NCOA2: variants seen among roughly 807,000 people sequenced by gnomAD.
The protein encoded by NCOA2 is nuclear receptor coactivator 2, also known as class E basic helix-loop-helix protein 75.
Under a neutral mutation model 145.1 loss-of-function variants are expected in NCOA2, and 21 were observed. That is an observed-to-expected ratio of 0.14 (90% CI 0.10 to 0.21). The LOEUF is 0.21. Among genes scored for constraint, NCOA2 ranks in the 10% least tolerant of loss-of-function variants. The pLI, the probability that NCOA2 is intolerant of heterozygous loss-of-function variation, is 1.00. For synonymous variants in NCOA2, 619 were observed against 637.5 expected (o/e 0.97, Z 0.44); for missense variants, 1,472 against 1,837.6 (o/e 0.80, Z 3.64).
chr8:70,336,475 C>G (rs1024636876), intron 1 of NCOA2, among the ~76,000 whole-genome samples: 1 of 152,048 alleles, frequency 6.6e-6, no homozygotes. Context: ...AAAGAAGTAT[C>G]TTAATTTATA....
At chr8:70,297,911 AT>A (rs2135771967) in intron 1 of NCOA2, among the ~76,000 whole-genome samples, 1 of 152,340 alleles carries the variant, frequency 6.6e-6, no homozygotes, top group Non-Finnish European at 1.5e-5. Flanking sequence ...CATTTTATGT[AT>A]ATTAATATTT....
chr8:70,316,879 G>A (rs763963050), intron 1 of NCOA2, among the ~76,000 whole-genome samples: 2 of 152,088 alleles, frequency 1.3e-5, no homozygotes, highest in African/African-American at 2.4e-5. Context: ...TGCTGATGAC[G>A]CCCGAGACCC....
At chr8:70,145,613 G>GTCTGGCT in intron 12 of NCOA2, among the ~76,000 whole-genome samples, 1 of 148,564 alleles carries the variant, frequency 6.7e-6, no homozygotes, top group Admixed American at 6.6e-5. Context: ...GAGCCACTGT[G>GTCTGGCT]CCCAGCCCTT....
At chr8:70,374,828 C>A (rs1293730407) in intron 1 of NCOA2, among the ~76,000 whole-genome samples, 2 of 150,428 alleles carry the variant, frequency 1.3e-5, no homozygotes, top group African/African-American at 4.9e-5. Flanking sequence ...AAAGTGAAAG[C>A]ATATATGCCG....
intron 4 of NCOA2, among the ~76,000 whole-genome samples, chr8:70,186,109 C>A (rs920533100): frequency 6.6e-6 from 1 of 152,016 alleles, no homozygotes; most frequent in Admixed American, 6.6e-5. Flanking sequence ...CAGAGAAACC[C>A]ATCTTGGGGA....
intron 2 of NCOA2, among the ~76,000 whole-genome samples, chr8:70,293,718 TA>T (rs2135706509): frequency 6.6e-6 from 1 of 152,348 alleles, no homozygotes; most frequent in Non-Finnish European, 1.5e-5. Flanking sequence ...TATTGCCAAA[TA>T]GATTTATATA....
intron 1 of NCOA2, among the ~76,000 whole-genome samples, chr8:70,325,036 T>C (rs1020295367): frequency 6.6e-6 from 1 of 152,232 alleles, no homozygotes; most frequent in African/African-American, 2.4e-5. Context: ...TATCCATATC[T>C]TTAAACATAA....
At chr8:70,423,896 G>A in the NCOA2 span, among the ~76,000 whole-genome samples, 1 of 152,296 alleles carries the variant, frequency 6.6e-6, no homozygotes, top group Admixed American at 6.5e-5. Flanking sequence ...CGCCAATCCA[G>A]TCTTCCCTCA....
chr8:70,286,438 T>G (rs1210686574), intron 2 of NCOA2, among the ~76,000 whole-genome samples: 1 of 152,176 alleles, frequency 6.6e-6, no homozygotes, highest in Non-Finnish European at 1.5e-5. Context: ...AAACCCTTGC[T>G]AGAAAGTAAA....
chr8:70,216,852 T>C (rs1819671319), intron 2 of NCOA2, 88 bp from the exon 3 acceptor site: 5 of 822,180 alleles, frequency 6.1e-6, no homozygotes, highest in Admixed American at 2.1e-5. Context: ...TAAAAGAATT[T>C]TGACTCCAAT....
intron 13 of NCOA2, among the ~76,000 whole-genome samples, chr8:70,142,107 C>A: frequency 6.6e-6 from 1 of 152,164 alleles, no homozygotes; most frequent in Non-Finnish European, 1.5e-5. Flanking sequence ...CTAAGCAGGA[C>A]TGTGTTTGCT....
intron 7 of NCOA2, 80 bp from the exon 8 acceptor site, chr8:70,163,646 C>G (rs761818686): frequency 3.0e-6 from 3 of 1,004,026 alleles, no homozygotes; most frequent in Admixed American, 2.1e-5. Flanking sequence ...TATGACAGCA[C>G]AGCCTGTCAT....
intron 2 of NCOA2, among the ~76,000 whole-genome samples, chr8:70,280,401 G>GT (rs1332179874): frequency 6.6e-6 from 1 of 152,096 alleles, no homozygotes; most frequent in Non-Finnish European, 1.5e-5. Flanking sequence ...CCTTAGAGAC[G>GT]TAAGATAAAT....
intron 2 of NCOA2, among the ~76,000 whole-genome samples, chr8:70,256,071 A>T (rs1342722394): frequency 2.6e-5 from 4 of 152,228 alleles, no homozygotes; most frequent in African/African-American, 9.6e-5. Context: ...TGACAGAATT[A>T]ACGAACTGAG....
intron 5 of NCOA2, among the ~76,000 whole-genome samples, chr8:70,173,626 G>C (rs949521732): frequency 1.4e-4 from 21 of 152,280 alleles, no homozygotes; most frequent in Admixed American, 2.0e-4. Flanking sequence ...TTTCAAGCCA[G>C]TGATTCTAGA....
In NCOA2 at chr8:70,364,086, G is replaced by A. The variant is rs185212391; in HGVS notation, c.-77+39614C>T. 2.4e-3 allele frequency among the ~76,000 whole-genome samples: 366 copies of A among 152,012 alleles called. 2 individuals are homozygous for A. The highest frequency in any genetic ancestry group is 8.3e-3 in the African/African-American group (343 of 41,468). ...CTGAAGAGAAAGACTGCTGCGTTATGGGACACAGTCTCCAGTTAGAAAGAC... is the reference window on the plus strand; with the variant it reads ...CTGAAGAGAAAGACTGCTGCGTTATAGGACACAGTCTCCAGTTAGAAAGAC... On this transcript the variant is annotated intron_variant, in intron 1 of 22. Coordinates refer to ENST00000452400, the MANE Select transcript of NCOA2 (RefSeq NM_006540.4).
chr8:70,123,778 G>A (rs535086977), intron 21 of NCOA2, 106 bp downstream of exon 21: 8 of 865,778 alleles, frequency 9.2e-6, no homozygotes, highest in African/African-American at 6.8e-5. Flanking sequence ...AAGTAAATGT[G>A]GGAGTTGGTG....
chr8:70,350,755 A>C (rs930271101), intron 1 of NCOA2, among the ~76,000 whole-genome samples: 1 of 152,224 alleles, frequency 6.6e-6, no homozygotes, highest in African/African-American at 2.4e-5. Flanking sequence ...CAAATTCAAT[A>C]ATTTGTTTTA....
chr8:70,323,814 C>T (rs1806307642), intron 1 of NCOA2, among the ~76,000 whole-genome samples: 1 of 152,086 alleles, frequency 6.6e-6, no homozygotes, highest in African/African-American at 2.4e-5. Flanking sequence ...AAAATGAACT[C>T]CCAAAAAGAT....
Sources: allele counts gnomAD v4.1 joint callset (sites outside exome capture counted in the v4.1 genomes callset), GRCh38; gene constraint gnomAD v4.1.1; transcripts MANE v1.5; gene names NCBI Gene and HGNC (gene_info 2026-07-23, HGNC 2026-07-21).